Variants in EML5 observed in about 807,000 individuals in gnomAD.
EML5 encodes the protein EMAP like 5, also known as echinoderm microtubule-associated protein-like 5.
In EML5, 120 loss-of-function variants were observed where a neutral mutation model predicts 250.0. The ratio of observed to expected loss-of-function variants is 0.48; its 90% CI spans 0.41 to 0.56. The LOEUF is 0.56. EML5 is among the 20% of genes least tolerant of loss of function. The pLI is 0.00. For synonymous variants in EML5, 771 were observed against 806.5 expected (o/e 0.96, Z 0.75); for missense variants, 2,006 against 2,437.6 (o/e 0.82, Z 3.73).
rs1813680192 is a variant in EML5, at chr14:88,624,924, T to A, written c.4898+46A>T. ...AGAATAATTAACTGCAAACCTCAGG[T>A]AGGTCACAAATGCATAAATATTCTG... is the stretch of plus-strand genomic sequence containing the variant. On this transcript the variant is annotated intron_variant, in intron 36 of 43. Coordinates refer to ENST00000554922, the MANE Select transcript of EML5 (RefSeq NM_183387.3). 2.5e-6 allele frequency: 4 copies of A among 1,599,958 alleles called. No individual in the cohort carries two copies. In the African/African-American group the frequency reaches 5.4e-5, roughly 21 times the overall value.
At chr14:88,680,112 TATTATG>T (rs1433069910) in intron 21 of EML5, among the ~76,000 whole-genome samples, 1 of 152,332 alleles carries the variant, frequency 6.6e-6, no homozygotes, top group East Asian at 1.9e-4. Context: ...GCTATACTTA[TATTATG>T]ATTTTGTCTT....
At chr14:88,702,055 A>AAAGAGAC (rs1369542810) in intron 14 of EML5, among the ~76,000 whole-genome samples, 3 of 152,180 alleles carry the variant, frequency 2.0e-5, no homozygotes, top group Non-Finnish European at 4.4e-5. Context: ...GTTGTAAAAT[A>AAAGAGAC]AAGAGACATA....
At chr14:88,660,192 A>C (rs2092030108) in intron 25 of EML5, among the ~76,000 whole-genome samples, 1 of 150,930 alleles carries the variant, frequency 6.6e-6, no homozygotes, top group African/African-American at 2.4e-5. Context: ...CTGAGGTGGG[A>C]GGATAACTTG....
At chr14:88,617,916 G>A (rs2088000487) in intron 41 of EML5, 2 of 192,718 alleles carry the variant, frequency 1.0e-5, no homozygotes, top group African/African-American at 4.7e-5. Flanking sequence ...ATTAATAACA[G>A]TTGCTTAACA....
At chr14:88,617,200 T>C (rs1595179175) in intron 41 of EML5, 1 of 178,050 alleles carries the variant, frequency 5.6e-6, no homozygotes, top group African/African-American at 2.4e-5. Context: ...CAGGCTGGAG[T>C]GCAATGGCAT....
At chr14:88,733,249 T>C (rs1595711883) in intron 7 of EML5, among the ~76,000 whole-genome samples, 2 of 152,318 alleles carry the variant, frequency 1.3e-5, no homozygotes, top group Middle Eastern at 6.8e-3. Flanking sequence ...CTGTCCCTTG[T>C]GCTCCAAGAC....
rs951311756 is a variant in EML5 at position 88,785,644 on chromosome 14, T to C, written c.197+6663A>G. Among the ~76,000 whole-genome samples, 5 of 152,322 alleles carry C rather than the reference T, an allele frequency of 3.3e-5. 1 individual carries two copies. The highest frequency in any genetic ancestry group is 3.9e-4 in the East Asian group (2 of 5,190). On this transcript the variant is annotated intron_variant, in intron 1 of 43. Coordinates refer to ENST00000554922, the MANE Select transcript of EML5 (RefSeq NM_183387.3). ...GATCATCACTGACCTTTCTTTTCTC[T>C]CACAATTTATATGTGATCCATTAGT...
chr14:88,776,417 T>C (rs1322116573), intron 1 of EML5, among the ~76,000 whole-genome samples: 1 of 152,000 alleles, frequency 6.6e-6, no homozygotes, highest in Admixed American at 6.6e-5. Context: ...TAACAGAGAC[T>C]GAAATAATTT....
chr14:88,694,265 T>C (rs753527965), intron 17 of EML5, 42 bp downstream of exon 17: 36 of 1,386,254 alleles, frequency 2.6e-5, no homozygotes, highest in East Asian at 4.9e-5. Flanking sequence ...AAAGCAATAA[T>C]TTCTTAAAAT....
At chr14:88,630,023 ATTTTTT>A (rs58382081) in intron 33 of EML5, among the ~76,000 whole-genome samples, 8 of 84,230 alleles carry the variant, frequency 9.5e-5, no homozygotes, top group South Asian at 4.1e-4. Context: ...TAAAAACTGT[ATTTTTT>A]TTTTTTTTTT....
chr14:88,729,358 AC>A (rs2140119128), intron 7 of EML5, among the ~76,000 whole-genome samples: 1 of 152,324 alleles, frequency 6.6e-6, no homozygotes, highest in East Asian at 1.9e-4. Context: ...ACCACAAGGG[AC>A]AGCAAACCAT....
intron 10 of EML5, among the ~76,000 whole-genome samples, chr14:88,710,600 A>C (rs2093389052): frequency 2.0e-5 from 3 of 152,212 alleles, no homozygotes; most frequent in Admixed American, 2.0e-4. Context: ...GCAAAACATA[A>C]AATCTTAAAA....
At chr14:88,741,452 G>T (rs902715448) in intron 4 of EML5, among the ~76,000 whole-genome samples, 1 of 152,156 alleles carries the variant, frequency 6.6e-6, no homozygotes, top group African/African-American at 2.4e-5. Flanking sequence ...GAGAAAATAA[G>T]AAGTTAACCA....
intron 30 of EML5, among the ~76,000 whole-genome samples, chr14:88,643,520 A>T (rs2091181153): frequency 6.6e-6 from 1 of 152,236 alleles, no homozygotes; most frequent in South Asian, 2.1e-4. Flanking sequence ...TATGCAAATT[A>T]CTATGCCATT....
intron 25 of EML5, among the ~76,000 whole-genome samples, chr14:88,659,124 A>G (rs942118869): frequency 1.3e-5 from 2 of 152,196 alleles, no homozygotes; most frequent in African/African-American, 4.8e-5. Flanking sequence ...ATTTCAGATC[A>G]AAGCATCATA....
intron 7 of EML5, among the ~76,000 whole-genome samples, chr14:88,729,331 T>C (rs555637064): frequency 1.3e-5 from 2 of 152,318 alleles, no homozygotes; most frequent in Admixed American, 1.3e-4. Context: ...TATTTGCTGG[T>C]GACATTCTAT....
intron 6 of EML5, among the ~76,000 whole-genome samples, chr14:88,736,866 T>A (rs1317178214): frequency 6.6e-6 from 1 of 152,128 alleles, no homozygotes; most frequent in Non-Finnish European, 1.5e-5. Context: ...GGGGTGCTTT[T>A]TTTAAGCCTT....
intron 21 of EML5, among the ~76,000 whole-genome samples, chr14:88,681,482 C>T (rs1338794543): frequency 6.6e-6 from 1 of 152,142 alleles, no homozygotes; most frequent in Non-Finnish European, 1.5e-5. Context: ...CAAATGGGCT[C>T]AGTTCTATTT....
chr14:88,767,160 A>T (rs180822675), intron 1 of EML5, among the ~76,000 whole-genome samples: 1 of 152,194 alleles, frequency 6.6e-6, no homozygotes, highest in Admixed American at 6.5e-5. Context: ...AAGCAATCCA[A>T]TTAGGTTCAA....
Sources: gnomAD v4.1 joint callset for allele counts (sites outside exome capture counted in the v4.1 genomes callset) on GRCh38, gnomAD v4.1.1 for gene constraint, MANE v1.5 for transcripts, NCBI Gene and HGNC (gene_info 2026-07-23, HGNC 2026-07-21) for gene names.